Variants in CPNE4 observed in about 807,000 individuals in gnomAD.
The protein encoded by CPNE4 is copine-4.
A neutral mutation model predicts 67.9 loss-of-function variants in CPNE4; 25 were observed. That is an observed-to-expected ratio of 0.37 (90% CI 0.27 to 0.51). The LOEUF is 0.51. Among genes scored for constraint, CPNE4 ranks in the 20% least tolerant of loss-of-function variants. The pLI is 0.93. For missense variants in CPNE4, 464 were observed against 690.8 expected (o/e 0.67, Z 3.68); for synonymous variants, 242 against 244.9 (o/e 0.99, Z 0.11).
chr3:131,643,025 G>A (rs939854579), intron 7 of CPNE4, among the ~76,000 whole-genome samples: 3 of 152,190 alleles, frequency 2.0e-5, no homozygotes, highest in Admixed American at 2.0e-4. Flanking sequence ...CTCAGAAGAA[G>A]ACAGGAAGAT....
At chr3:132,004,278 G>A (rs969672120) in intron 1 of CPNE4, among the ~76,000 whole-genome samples, 6 of 151,720 alleles carry the variant, frequency 4.0e-5, no homozygotes, top group Non-Finnish European at 7.4e-5. Context: ...TGCATTTTTC[G>A]GTATATTTTT....
chr3:131,791,305 T>C (rs2083712791), intron 2 of CPNE4, among the ~76,000 whole-genome samples: 1 of 152,192 alleles, frequency 6.6e-6, no homozygotes, highest in African/African-American at 2.4e-5. Flanking sequence ...TTTTGCACTT[T>C]TTCCAAGTTG....
chr3:131,839,689 G>T (rs1231969701), intron 2 of CPNE4, among the ~76,000 whole-genome samples: 1 of 151,800 alleles, frequency 6.6e-6, no homozygotes, highest in Non-Finnish European at 1.5e-5. Flanking sequence ...GTCACACATG[G>T]GTTTGTCACA....
intron 7 of CPNE4, among the ~76,000 whole-genome samples, chr3:131,614,545 G>T (rs552152944): frequency 6.6e-6 from 1 of 152,300 alleles, no homozygotes; most frequent in African/African-American, 2.4e-5. Context: ...GGATGTAATT[G>T]AGAGACAATA....
At chr3:131,814,884 G>A (rs981612774) in intron 2 of CPNE4, among the ~76,000 whole-genome samples, 2 of 136,388 alleles carry the variant, frequency 1.5e-5, no homozygotes, top group South Asian at 4.1e-4. Context: ...GATTACAGGC[G>A]TGAGCCACCG....
upstream of CPNE4, among the ~76,000 whole-genome samples, chr3:132,037,258 G>A (rs1040746695): frequency 2.7e-5 from 4 of 150,172 alleles, no homozygotes; most frequent in African/African-American, 9.9e-5. Flanking sequence ...TCCGTAATTA[G>A]AAACAAACAG....
chr3:131,685,980 G>A, intron 5 of CPNE4, 22 bp from the exon 6 acceptor site: 1 of 1,381,430 alleles, frequency 7.2e-7, no homozygotes, highest in Non-Finnish European at 1.0e-6. Flanking sequence ...AAACGTCAAT[G>A]AATTGTTTTT....
chr3:131,544,646 G>A (rs1402307900), intron 14 of CPNE4, among the ~76,000 whole-genome samples: 1 of 152,190 alleles, frequency 6.6e-6, no homozygotes, highest in African/African-American at 2.4e-5. Context: ...AGTGATGGAG[G>A]TGGTAGGGAG....
At chr3:131,578,149 A>AGTATT (rs1937597921) in intron 9 of CPNE4, among the ~76,000 whole-genome samples, 3 of 152,192 alleles carry the variant, frequency 2.0e-5, no homozygotes, top group Admixed American at 2.0e-4. Flanking sequence ...ATTGAGCAAT[A>AGTATT]CTATTGGTGC....
At chr3:131,925,555 A>G (rs546422507) in intron 1 of CPNE4, 1 of 152,250 alleles carries the variant, frequency 6.6e-6, no homozygotes, top group South Asian at 2.1e-4. Context: ...TTCTCCTTGG[A>G]GAAAGAAAAA....
intron 7 of CPNE4, among the ~76,000 whole-genome samples, chr3:131,607,013 G>A (rs1306412735): frequency 2.0e-5 from 3 of 150,874 alleles, no homozygotes; most frequent in East Asian, 2.0e-4. Context: ...GAAGTTCCTC[G>A]ATGAAACAAG....
At chr3:132,036,600 A>C (rs934774748), upstream of CPNE4, among the ~76,000 whole-genome samples, 3 of 152,188 alleles carry the variant, frequency 2.0e-5, no homozygotes, top group Non-Finnish European at 4.4e-5. Context: ...TCAAAATTTG[A>C]ATTGGATTGA....
intron 7 of CPNE4, among the ~76,000 whole-genome samples, chr3:131,625,720 A>G (rs1427122991): frequency 6.6e-6 from 1 of 152,186 alleles, no homozygotes; most frequent in African/African-American, 2.4e-5. Context: ...ATATATATCT[A>G]TAAAGGTTAA....
intron 7 of CPNE4, among the ~76,000 whole-genome samples, chr3:131,613,258 A>G (rs946020708): frequency 2.0e-5 from 3 of 152,212 alleles, no homozygotes; most frequent in African/African-American, 4.8e-5. Flanking sequence ...TAGTGAGCCT[A>G]AGTGAGATTA....
At chr3:131,814,717 G>T (rs1364051811) in intron 2 of CPNE4, among the ~76,000 whole-genome samples, 1 of 137,050 alleles carries the variant, frequency 7.3e-6, no homozygotes, top group African/African-American at 3.1e-5. Flanking sequence ...CCATTCTCCT[G>T]CCTCAGCCTC....
At chr3:131,569,637 C>CAAAAAACAA (rs1328463912) in intron 10 of CPNE4, among the ~76,000 whole-genome samples, 1 of 98,516 alleles carries the variant, frequency 1.0e-5, no homozygotes, top group South Asian at 3.5e-4. Flanking sequence ...GACCCTGTTT[C>CAAAAAACAA]AAAAAACAAA....
intron 7 of CPNE4, among the ~76,000 whole-genome samples, chr3:131,656,753 G>A (rs1158603249): frequency 6.6e-6 from 1 of 152,152 alleles, no homozygotes; most frequent in Non-Finnish European, 1.5e-5. Flanking sequence ...ACAGATGGTG[G>A]TAAGTGCCAT....
At chr3:131,750,456 G>GCA (rs1480652710) in intron 2 of CPNE4, among the ~76,000 whole-genome samples, 1 of 151,908 alleles carries the variant, frequency 6.6e-6, no homozygotes, top group Non-Finnish European at 1.5e-5. Flanking sequence ...GTTTTTTAGT[G>GCA]CATCTCATTG....
chr3:131,906,600 G>T (rs980548424), intron 1 of CPNE4, among the ~76,000 whole-genome samples: 1 of 151,832 alleles, frequency 6.6e-6, no homozygotes, highest in African/African-American at 2.4e-5. Context: ...TTTTATGGCT[G>T]CATAGTATTC....
Sources: allele counts gnomAD v4.1 joint callset (sites outside exome capture counted in the v4.1 genomes callset), GRCh38; gene constraint gnomAD v4.1.1; transcripts MANE v1.5; gene names NCBI Gene and HGNC (gene_info 2026-07-23, HGNC 2026-07-21).